TMEM232: variants seen among roughly 807,000 people sequenced by gnomAD.
TMEM232 encodes the protein transmembrane protein 232.
TMEM232 carries 80 observed loss-of-function variants against 78.8 expected under a neutral mutation model. That is an observed-to-expected ratio of 1.01 (90% CI 0.85 to 1.22). The LOEUF (loss-of-function observed/expected upper bound fraction) is 1.22, where lower values mean the gene tolerates loss of function less well. Among genes scored for constraint, TMEM232 ranks in the 50% most tolerant of loss-of-function variants. TMEM232 has a pLI of 0.00. For synonymous variants in TMEM232, 297 were observed against 254.3 expected, an observed-to-expected ratio of 1.17 and a Z score of -1.60; for missense variants, 881 against 742.2, an observed-to-expected ratio of 1.19 and a Z score of -2.17.
At chr5:110,474,085 G>T (rs1299761716) in intron 12 of TMEM232, among the ~76,000 whole-genome samples, 1 of 151,582 alleles carries the variant, frequency 6.6e-6, no homozygotes, top group Admixed American at 6.6e-5. Context: ...GCACAATATA[G>T]TGACTATAGT....
downstream of TMEM232, among the ~76,000 whole-genome samples, chr5:110,415,295 C>G (rs1476073966): frequency 6.6e-6 from 1 of 151,724 alleles, no homozygotes; most frequent in Admixed American, 6.6e-5. Context: ...TCACGCCATT[C>G]TCCCGCCTCA....
At chr5:110,442,289 G>A (rs778032917) in intron 12 of TMEM232, among the ~76,000 whole-genome samples, 5 of 151,822 alleles carry the variant, frequency 3.3e-5, no homozygotes, top group Non-Finnish European at 4.4e-5. Flanking sequence ...ACATCTTGTA[G>A]GTAGATACTC....
chr5:110,637,068 A>T (rs967187653), intron 5 of TMEM232, among the ~76,000 whole-genome samples: 3 of 151,224 alleles, frequency 2.0e-5, no homozygotes, highest in African/African-American at 7.3e-5. Context: ...CATTTTAAAA[A>T]TTTTATCACA....
rs1437198025 is a variant in TMEM232 at position 110,652,292 on chromosome 5, G to GCACACACACACA, written c.126-9922_126-9921insTGTGTGTGTGTG. 0.012 allele frequency among the ~76,000 whole-genome samples: 59 copies of GCACACACACACA among 5,012 alleles called. No individual in the cohort carries two copies. The Middle Eastern group carries it at 0.33, about 28-fold the overall frequency. 3.3% of individuals were successfully genotyped at this position (5,012 alleles called of 152,430 possible). On this transcript the variant is annotated intron_variant, in intron 2 of 13. Coordinates refer to ENST00000455884, the MANE Select transcript of TMEM232 (RefSeq NM_001039763.4). Reference sequence around the variant, plus strand: ...CCCAAGCACACAAAAGTGCACGCGCGCGCACACACACACACACACACACAC... The same window carrying GCACACACACACA: ...CCCAAGCACACAAAAGTGCACGCGCGCACACACACACACGCACACACACACACACACACACAC...
At chr5:110,433,044 T>C (rs1218721680) in intron 12 of TMEM232, among the ~76,000 whole-genome samples, 5 of 151,792 alleles carry the variant, frequency 3.3e-5, no homozygotes, top group African/African-American at 1.2e-4. Flanking sequence ...GTGGTGTACT[T>C]AAACACCTCA....
rs563939258 is a variant in TMEM232 at position 110,641,637 on chromosome 5, T to G, written c.237+623A>C. Among the ~76,000 whole-genome samples the G allele has an allele frequency of 2.0e-5, 3 of 152,298 alleles. No homozygotes were observed. The South Asian group carries it at 6.2e-4, about 32-fold the overall frequency. ...GCCATGAACTGGAAAATAACACCAC[T>G]ACAACACCACAAAAAAGGTGGCTTA... On this transcript the variant is annotated intron_variant, in intron 3 of 13. Coordinates refer to ENST00000455884, the MANE Select transcript of TMEM232 (RefSeq NM_001039763.4).
At chr5:110,540,992 G>A (rs1286582056) in intron 11 of TMEM232, among the ~76,000 whole-genome samples, 1 of 152,140 alleles carries the variant, frequency 6.6e-6, no homozygotes, top group East Asian at 1.9e-4. Context: ...GTCTGACAGA[G>A]AAGCCAAAGG....
chr5:110,451,122 T>G (rs890834734), intron 12 of TMEM232, among the ~76,000 whole-genome samples: 5 of 152,196 alleles, frequency 3.3e-5, no homozygotes, highest in Non-Finnish European at 7.4e-5. Context: ...ACTGCTAGTT[T>G]AGGACTTACT....
chr5:110,655,023 G>A (rs534123805), intron 2 of TMEM232, among the ~76,000 whole-genome samples: 11 of 152,198 alleles, frequency 7.2e-5, no homozygotes, highest in Admixed American at 5.9e-4. Flanking sequence ...AACACCAAAA[G>A]CAATGGTAAC....
chr5:110,632,686 G>C (rs1340748119), intron 5 of TMEM232, among the ~76,000 whole-genome samples: 1 of 151,814 alleles, frequency 6.6e-6, no homozygotes, highest in African/African-American at 2.4e-5. Flanking sequence ...CATGTCTTTT[G>C]ATATAACTTG....
chr5:110,719,196 T>G (rs1797331098), intron 1 of TMEM232, among the ~76,000 whole-genome samples: 1 of 151,842 alleles, frequency 6.6e-6, no homozygotes, highest in African/African-American at 2.4e-5. Flanking sequence ...CATGTATATA[T>G]GTATATATAT....
intron 12 of TMEM232, among the ~76,000 whole-genome samples, chr5:110,499,812 T>C (rs982930674): frequency 2.0e-5 from 3 of 152,274 alleles, no homozygotes; most frequent in Admixed American, 6.5e-5. Flanking sequence ...GTTCAACATT[T>C]GTATAATCCT....
chr5:110,710,417 G>A (rs1183750499), intron 1 of TMEM232, among the ~76,000 whole-genome samples: 5 of 151,966 alleles, frequency 3.3e-5, no homozygotes, highest in Non-Finnish European at 2.9e-5. Context: ...TACTCTCACA[G>A]CAAAATCAGA....
chr5:110,503,697 G>T (rs1766530738), intron 12 of TMEM232, among the ~76,000 whole-genome samples: 1 of 152,154 alleles, frequency 6.6e-6, no homozygotes, highest in Admixed American at 6.5e-5. Context: ...ATTTAAACAA[G>T]ATCTTTGTTT....
At chr5:110,696,017 C>G (rs533170909) in intron 1 of TMEM232, among the ~76,000 whole-genome samples, 3 of 152,280 alleles carry the variant, frequency 2.0e-5, no homozygotes, top group African/African-American at 7.2e-5. Context: ...GAATTTTAGA[C>G]CAATATTCCT....
chr5:110,474,543 T>C (rs1223152300), intron 12 of TMEM232, among the ~76,000 whole-genome samples: 1 of 151,806 alleles, frequency 6.6e-6, no homozygotes, highest in Non-Finnish European at 1.5e-5. Context: ...TAACTATAAA[T>C]TAGAAGTTCT....
chr5:110,694,029 A>C (rs1008966196), intron 1 of TMEM232, among the ~76,000 whole-genome samples: 3 of 152,178 alleles, frequency 2.0e-5, no homozygotes, highest in Admixed American at 6.5e-5. Context: ...GAAATGAAGG[A>C]AAAAATGTTA....
chr5:110,516,236 C>T (rs1353841678), intron 12 of TMEM232, among the ~76,000 whole-genome samples: 3 of 152,080 alleles, frequency 2.0e-5, no homozygotes, highest in Admixed American at 6.6e-5. Flanking sequence ...AAGACTCTGT[C>T]CCCCGCAGCC....
intron 12 of TMEM232, among the ~76,000 whole-genome samples, chr5:110,495,140 T>A: frequency 6.6e-6 from 1 of 150,998 alleles, no homozygotes; most frequent in Non-Finnish European, 1.5e-5. Flanking sequence ...TTATATAAAA[T>A]AAATAGAAGC....
Sources: allele counts gnomAD v4.1 joint callset (sites outside exome capture counted in the v4.1 genomes callset), GRCh38; gene constraint gnomAD v4.1.1; transcripts MANE v1.5; gene names NCBI Gene and HGNC (gene_info 2026-07-23, HGNC 2026-07-21).